Variants in DTNBP1 observed in about 807,000 individuals in gnomAD.
DTNBP1 encodes dystrobrevin binding protein 1, also known as dysbindin.
In DTNBP1, 35 loss-of-function variants were observed where a neutral mutation model predicts 42.8. The observed-to-expected ratio is 0.82, with a 90% CI of 0.63 to 1.09. The LOEUF (loss-of-function observed/expected upper bound fraction) is 1.09, where lower values mean the gene tolerates loss of function less well. Among genes scored for constraint, DTNBP1 ranks in the 50% least tolerant of loss-of-function variants. The pLI, the probability that DTNBP1 is intolerant of heterozygous loss-of-function variation, is 0.00. For synonymous variants in DTNBP1, 171 were observed against 162.2 expected (o/e 1.05, Z -0.41); for missense variants, 457 against 424.2 (o/e 1.08, Z -0.68).
intron 7 of DTNBP1, among the ~76,000 whole-genome samples, chr6:15,557,802 T>C (rs1274073928): frequency 6.6e-6 from 1 of 152,168 alleles, no homozygotes; most frequent in East Asian, 1.9e-4. Flanking sequence ...AAATGACTTA[T>C]TGTGACCTAG....
intron 7 of DTNBP1, among the ~76,000 whole-genome samples, chr6:15,537,235 A>G (rs1444988774): frequency 6.6e-6 from 1 of 151,974 alleles, no homozygotes; most frequent in African/African-American, 2.4e-5. Context: ...CCTGACTAAC[A>G]TGGTGGTCAT....
chr6:15,600,448 A>G (rs1776685078), intron 6 of DTNBP1, among the ~76,000 whole-genome samples: 1 of 152,106 alleles, frequency 6.6e-6, no homozygotes, highest in South Asian at 2.1e-4. Flanking sequence ...TAAGTGTTCA[A>G]TAAAGGCTAC....
chr6:15,603,453 A>T (rs1776807245), intron 6 of DTNBP1, among the ~76,000 whole-genome samples: 1 of 152,198 alleles, frequency 6.6e-6, no homozygotes. Flanking sequence ...AACAGAATAC[A>T]GTTACAATAA....
intron 3 of DTNBP1, among the ~76,000 whole-genome samples, chr6:15,641,507 A>T (rs1760351932): frequency 6.6e-6 from 1 of 152,136 alleles, no homozygotes; most frequent in Admixed American, 6.5e-5. Flanking sequence ...CCTGACCATC[A>T]AACTGTTGGA....
intron 7 of DTNBP1, chr6:15,533,622 G>C: frequency 1.4e-6 from 1 of 693,896 alleles, no homozygotes; most frequent in Non-Finnish European, 2.6e-6. Context: ...CCACACCTTT[G>C]CATGTGCTGT....
chr6:15,600,426 T>G (rs1776683926), intron 6 of DTNBP1, among the ~76,000 whole-genome samples: 1 of 152,214 alleles, frequency 6.6e-6, no homozygotes, highest in Non-Finnish European at 1.5e-5. Context: ...TTAAGCAGTG[T>G]CTGGTACATA....
chr6:15,573,870 C>T (rs1355333364), intron 7 of DTNBP1, among the ~76,000 whole-genome samples: 1 of 152,052 alleles, frequency 6.6e-6, no homozygotes, highest in East Asian at 1.9e-4. Context: ...CCATGCCTGG[C>T]TAATTGTTGT....
intron 7 of DTNBP1, among the ~76,000 whole-genome samples, chr6:15,578,171 C>T (rs930904819): frequency 1.3e-5 from 2 of 152,168 alleles, no homozygotes; most frequent in South Asian, 2.1e-4. Flanking sequence ...ACAGTCCCCA[C>T]GGTGCCAGCG....
chr6:15,544,155 T>C (rs1476717316), intron 7 of DTNBP1, among the ~76,000 whole-genome samples: 2 of 152,224 alleles, frequency 1.3e-5, no homozygotes, highest in Admixed American at 6.5e-5. Flanking sequence ...ATATGTTATG[T>C]AAGTGGAATC....
At chr6:15,627,589 T>C in intron 4 of DTNBP1, 114 bp from the exon 5 acceptor site, 1 of 1,390,536 alleles carries the variant, frequency 7.2e-7, no homozygotes. Flanking sequence ...TCAGTAGAGA[T>C]TACGGTACAT....
At chr6:15,596,211 G>A (rs1453365010) in intron 6 of DTNBP1, among the ~76,000 whole-genome samples, 5 of 152,254 alleles carry the variant, frequency 3.3e-5, no homozygotes, top group Middle Eastern at 3.4e-3. Context: ...TGCTAACCGG[G>A]GCAGTTCTAG....
chr6:15,662,759 C>G, intron 1 of DTNBP1, 55 bp downstream of exon 1: 1 of 1,608,516 alleles, frequency 6.2e-7, no homozygotes, highest in Non-Finnish European at 8.5e-7. Flanking sequence ...CAGGGGCATC[C>G]CAGGCGGCGG....
At chr6:15,652,220 CG>C in intron 1 of DTNBP1, 80 bp from the exon 2 acceptor site, 3 of 1,223,794 alleles carry the variant, frequency 2.5e-6, no homozygotes, top group Non-Finnish European at 3.5e-6. Flanking sequence ...CTCACTCTGT[CG>C]TCCAGGCTGG....
At chr6:15,654,142 G>GA (rs1761160134) in intron 1 of DTNBP1, among the ~76,000 whole-genome samples, 1 of 152,096 alleles carries the variant, frequency 6.6e-6, no homozygotes, top group African/African-American at 2.4e-5. Flanking sequence ...ATATTCAAAA[G>GA]ATTCAGCAAT....
In DTNBP1 at chr6:15,662,799, C is replaced by T; in HGVS notation, c.56+15G>A. The T allele has an allele frequency of 6.2e-7, 1 of 1,612,172 alleles. No homozygotes were observed. The highest frequency in any genetic ancestry group is 8.5e-7 in the Non-Finnish European group (1 of 1,179,518). ...GCCCCCTCAGGTCCCTTTTCGTCGC[C>T]CACCGTATACCCACCCGGAGGTGAA... On this transcript the variant is annotated intron_variant, in intron 1 of 9. Coordinates refer to ENST00000344537, the MANE Select transcript of DTNBP1 (RefSeq NM_032122.5).
chr6:15,568,702 A>G (rs1328321488), intron 7 of DTNBP1, among the ~76,000 whole-genome samples: 1 of 152,224 alleles, frequency 6.6e-6, no homozygotes, highest in Non-Finnish European at 1.5e-5. Context: ...ATAATGGTCC[A>G]CTTCCACTTA....
At chr6:15,585,646 T>C (rs966134068) in intron 7 of DTNBP1, 1 of 1,487,638 alleles carries the variant, frequency 6.7e-7, no homozygotes, top group African/African-American at 1.4e-5. Flanking sequence ...AATACAGCAA[T>C]GTATCCAGGC....
intron 7 of DTNBP1, 119 bp from the exon 8 acceptor site, chr6:15,533,514 G>C (rs1773017067): frequency 6.5e-7 from 1 of 1,530,462 alleles, no homozygotes; most frequent in African/African-American, 1.4e-5. Flanking sequence ...TTTACAGACT[G>C]GGCTGGTGCC....
Position 15,523,783 on chromosome 6 carries a change from T to C in DTNBP1, c.812-564A>G, listed in dbSNP as rs548459060. The C allele has an allele frequency of 2.6e-4, 330 of 1,287,200 alleles. 4 individuals are homozygous for C. The South Asian group carries it at 3.8e-3, about 15-fold the overall frequency. 79.7% of individuals were successfully genotyped at this position (1,287,200 alleles called of 1,614,324 possible). A position where few individuals can be genotyped will look rare whatever the true frequency, so the allele number is the denominator to read the frequency against. ...CTGGCCTTCTCAGGATGAGGGCAAA[T>C]GCACCCAAGCTCCTTCTCTTCCCCA... is the stretch of plus-strand genomic sequence containing the variant. On this transcript the variant is annotated intron_variant, in intron 9 of 9. Transcript: ENST00000344537.
Sources: gnomAD v4.1 joint callset for allele counts (sites outside exome capture counted in the v4.1 genomes callset) on GRCh38, gnomAD v4.1.1 for gene constraint, MANE v1.5 for transcripts, NCBI Gene and HGNC (gene_info 2026-07-23, HGNC 2026-07-21) for gene names.